The following STX8 variants were observed in gnomAD, a reference collection of about 807,000 sequenced individuals.
The protein encoded by STX8 is syntaxin 8.
In STX8, 23 loss-of-function variants were observed where a neutral mutation model predicts 37.5. The ratio of observed to expected loss-of-function variants is 0.61; its 90% CI spans 0.44 to 0.87. The LOEUF (loss-of-function observed/expected upper bound fraction) is 0.87, where lower values mean the gene tolerates loss of function less well. Ranked by LOEUF, STX8 falls within the 40% of genes least tolerant of loss-of-function variation. The pLI, the probability that STX8 is intolerant of heterozygous loss-of-function variation, is 0.00. For synonymous variants in STX8, 115 were observed against 99.1 expected (o/e 1.16, Z -0.95); for missense variants, 313 against 284.7 (o/e 1.10, Z -0.71).
intron 7 of STX8, among the ~76,000 whole-genome samples, chr17:9,339,377 G>A (rs963649127): frequency 1.2e-4 from 18 of 151,680 alleles, no homozygotes; most frequent in Non-Finnish European, 2.5e-4. Flanking sequence ...TCCTCAGGCC[G>A]GGTGCAGTGG....
intron 7 of STX8, among the ~76,000 whole-genome samples, chr17:9,327,179 A>AG (rs1257991427): frequency 1.0e-4 from 15 of 150,644 alleles, no homozygotes; most frequent in African/African-American, 3.7e-4. Flanking sequence ...AAGAAGAAGA[A>AG]GAAGGAAGAA....
At chr17:9,380,575 A>G (rs1005657205) in intron 6 of STX8, among the ~76,000 whole-genome samples, 11 of 152,012 alleles carry the variant, frequency 7.2e-5, no homozygotes, top group African/African-American at 2.4e-4. Context: ...CAGTGAGCCT[A>G]TATAGTCATG....
At chr17:9,442,712 T>A (rs773294362) in intron 6 of STX8, among the ~76,000 whole-genome samples, 1 of 152,122 alleles carries the variant, frequency 6.6e-6, no homozygotes, top group African/African-American at 2.4e-5. Flanking sequence ...CCGGCCTGTA[T>A]CTTCTTTATT....
At chr17:9,571,043 A>G (rs920793454) in intron 1 of STX8, among the ~76,000 whole-genome samples, 1 of 152,158 alleles carries the variant, frequency 6.6e-6, no homozygotes, top group Admixed American at 6.5e-5. Flanking sequence ...GATGAGTAGA[A>G]GCTAGTTTCT....
intron 5 of STX8, among the ~76,000 whole-genome samples, chr17:9,495,945 C>T (rs776982543): frequency 2.6e-5 from 4 of 152,156 alleles, no homozygotes; most frequent in East Asian, 1.9e-4. Context: ...CTCAGCTATT[C>T]GGGAGGCTAA....
chr17:9,346,446 T>C (rs1381892087), intron 7 of STX8, among the ~76,000 whole-genome samples: 1 of 152,106 alleles, frequency 6.6e-6, no homozygotes, highest in East Asian at 1.9e-4. Context: ...TGGTGTGTCA[T>C]GGAAAATTAA....
At chr17:9,320,523 T>C (rs1026397270) in intron 7 of STX8, among the ~76,000 whole-genome samples, 39 of 152,086 alleles carry the variant, frequency 2.6e-4, no homozygotes, top group African/African-American at 9.2e-4. Flanking sequence ...CTGTATAATA[T>C]TCATATACAC....
In STX8 at chr17:9,431,290, C is replaced by T. The variant is rs373913943; in HGVS notation, c.542-52637G>A. 2.7e-5 allele frequency among the ~76,000 whole-genome samples: 4 copies of T among 148,464 alleles called. 1 individual carries two copies. The highest frequency in any genetic ancestry group is 4.0e-4 in the East Asian group (2 of 5,062). ...ATCACCATGTTGGCCAGGATGGTCTCGATCTCCTGACCTCGTGATCCACCT... is the reference window on the plus strand; with the variant it reads ...ATCACCATGTTGGCCAGGATGGTCTTGATCTCCTGACCTCGTGATCCACCT... On this transcript the variant is annotated intron_variant, in intron 6 of 7. Transcript: ENST00000306357.
intron 7 of STX8, among the ~76,000 whole-genome samples, chr17:9,324,109 GTCTCTC>G (rs1051588898): frequency 3.5e-4 from 48 of 135,632 alleles, no homozygotes; most frequent in African/African-American, 1.1e-3. Context: ...CTCTCTCTCT[GTCTCTC>G]TCTCTCTCTC....
chr17:9,478,428 G>A (rs1483746106), intron 6 of STX8, among the ~76,000 whole-genome samples: 2 of 152,104 alleles, frequency 1.3e-5, no homozygotes, highest in Non-Finnish European at 1.5e-5. Flanking sequence ...CAGCCACTGC[G>A]CCCAGCCCTG....
At position 9,556,208 on chromosome 17, in the gene STX8, A is replaced by AT. The variant is rs1449133604; in HGVS notation, c.212+1225dup. Reference sequence around the variant, plus strand: ...GAAAATATTTTTTAGAACACTTTCCATTTTTTTATCTAAAAAGCTGTATTC... The same window carrying AT: ...GAAAATATTTTTTAGAACACTTTCCATTTTTTTTATCTAAAAAGCTGTATTC... On this transcript the variant is annotated intron_variant, in intron 3 of 7. Coordinates refer to ENST00000306357, the MANE Select transcript of STX8 (RefSeq NM_004853.3). Among the ~76,000 whole-genome samples the AT allele has an allele frequency of 4.6e-5, 7 of 152,194 alleles. No individual in the cohort carries two copies. In the East Asian group the frequency reaches 9.6e-4, roughly 21 times the overall value.
chr17:9,362,865 A>AAATAAATAAATT (rs56709199), intron 7 of STX8, among the ~76,000 whole-genome samples: 74 of 147,406 alleles, frequency 5.0e-4, no homozygotes, highest in African/African-American at 1.0e-3. Flanking sequence ...ATAAATAAAT[A>AAATAAATAAATT]ATCTCTTTCT....
rs554333024 is a variant in STX8, at chr17:9,471,231, A to G, written c.541+20598T>C. Among the ~76,000 whole-genome samples, 3 of 142,178 alleles carry G rather than the reference A, an allele frequency of 2.1e-5. No homozygotes were observed. In the Admixed American group the frequency reaches 2.3e-4, roughly 11 times the overall value. 93.3% of individuals were successfully genotyped at this position (142,178 alleles called of 152,430 possible). A position where few individuals can be genotyped will look rare whatever the true frequency, so the allele number is the denominator to read the frequency against. On this transcript the variant is annotated intron_variant, in intron 6 of 7. Transcript: ENST00000306357. Reference sequence around the variant, plus strand: ...CAGTGGCATGATCTTGGCTCACTGCAACCTCCGCCTCCCGGGTTCAAGCAA... The same window carrying G: ...CAGTGGCATGATCTTGGCTCACTGCGACCTCCGCCTCCCGGGTTCAAGCAA...
At chr17:9,464,546 C>T (rs1480582284) in intron 6 of STX8, among the ~76,000 whole-genome samples, 1 of 152,094 alleles carries the variant, frequency 6.6e-6, no homozygotes, top group East Asian at 1.9e-4. Context: ...AGTACTTAAA[C>T]ACTGAGATTT....
At chr17:9,352,773 C>CT (rs1304214350) in intron 7 of STX8, among the ~76,000 whole-genome samples, 3 of 151,998 alleles carry the variant, frequency 2.0e-5, no homozygotes, top group Admixed American at 1.3e-4. Flanking sequence ...CTTACTCCCA[C>CT]TTTTTTTTAA....
chr17:9,397,318 C>G (rs1158257720), intron 6 of STX8, among the ~76,000 whole-genome samples: 1 of 152,176 alleles, frequency 6.6e-6, no homozygotes, highest in Non-Finnish European at 1.5e-5. Flanking sequence ...ATTGCTTGAA[C>G]CCGGGAGGGA....
At chr17:9,429,426 G>T (rs1299062542) in intron 6 of STX8, among the ~76,000 whole-genome samples, 1 of 143,162 alleles carries the variant, frequency 7.0e-6, no homozygotes, top group Non-Finnish European at 1.5e-5. Flanking sequence ...AATAGGCCAG[G>T]CACGGTGGCT....
chr17:9,541,490 T>G (rs1442928520), intron 4 of STX8, among the ~76,000 whole-genome samples: 1 of 152,186 alleles, frequency 6.6e-6, no homozygotes, highest in Non-Finnish European at 1.5e-5. Flanking sequence ...TATAAAGGTC[T>G]TAGAGTTTAC....
intron 4 of STX8, among the ~76,000 whole-genome samples, chr17:9,521,004 T>G (rs765999274): frequency 1.8e-4 from 27 of 152,266 alleles, no homozygotes; most frequent in Admixed American, 4.6e-4. Context: ...TAGACTTGCC[T>G]ATAGATTTGA....
Sources: allele counts gnomAD v4.1 joint callset (sites outside exome capture counted in the v4.1 genomes callset), GRCh38; gene constraint gnomAD v4.1.1; transcripts MANE v1.5; gene names NCBI Gene and HGNC (gene_info 2026-07-23, HGNC 2026-07-21).